Variants in HADHA observed in about 807,000 individuals in gnomAD.
HADHA encodes the protein trifunctional enzyme subunit alpha, mitochondrial.
Under a neutral mutation model 91.3 loss-of-function variants are expected in HADHA, and 59 were observed. That is an observed-to-expected ratio of 0.65 (90% CI 0.52 to 0.80). HADHA has a LOEUF of 0.80. Ranked by LOEUF, HADHA falls within the 30% of genes least tolerant of loss-of-function variation. The pLI is 0.00. For synonymous variants in HADHA, 320 were observed against 338.9 expected, an observed-to-expected ratio of 0.94 and a Z score of 0.61; for missense variants, 800 against 927.6, an observed-to-expected ratio of 0.86 and a Z score of 1.79.
intron 11 of HADHA, among the ~76,000 whole-genome samples, chr2:26,209,377 G>T (rs1334797384): frequency 6.6e-6 from 1 of 152,214 alleles, no homozygotes; most frequent in Non-Finnish European, 1.5e-5. Flanking sequence ...AGAAGGACAA[G>T]ATTTTAACAA....
intron 4 of HADHA, among the ~76,000 whole-genome samples, chr2:26,235,771 T>C (rs75389082): frequency 6.6e-6 from 1 of 152,372 alleles, no homozygotes; most frequent in Non-Finnish European, 1.5e-5. Flanking sequence ...TTTAATGGAA[T>C]TGACAACTTA....
intron 9 of HADHA, among the ~76,000 whole-genome samples, chr2:26,212,903 C>A (rs1016991868): frequency 5.9e-5 from 9 of 152,194 alleles, no homozygotes; most frequent in African/African-American, 2.2e-4. Flanking sequence ...CAAATGTAGG[C>A]AGATCCTCAA....
At chr2:26,215,241 C>T in intron 7 of HADHA, 66 bp from the exon 8 acceptor site, 1 of 1,493,058 alleles carries the variant, frequency 6.7e-7, no homozygotes, top group Non-Finnish European at 9.3e-7. Context: ...AGTGAAAAAC[C>T]CAGACTTGCC....
intron 10 of HADHA, 77 bp downstream of exon 10, chr2:26,212,493 T>C (rs774350790): frequency 9.4e-7 from 1 of 1,058,232 alleles, no homozygotes; most frequent in Admixed American, 1.7e-5. Context: ...TTTTTTCCTT[T>C]TTCAGCTTTA....
At chr2:26,223,135 C>A (rs1279553993) in intron 7 of HADHA, among the ~76,000 whole-genome samples, 1 of 152,272 alleles carries the variant, frequency 6.6e-6, no homozygotes, top group East Asian at 1.9e-4. Context: ...CCAGGAGACA[C>A]AACAATGATT....
chr2:26,201,287 T>C lies in HADHA; in HGVS notation c.1254A>G (p.Thr418=), dbSNP rs1161058517. The change falls in exon 13 of 20, where the codon ACA becomes ACG. Residue 418 remains threonine, a synonymous_variant. Coordinates refer to ENST00000380649, the MANE Select transcript of HADHA (RefSeq NM_000182.5). ...TGAAGATGGAATCCCTTTCAAATGATGTTAGAGCTTTCTTCTTCACTTTGT... is the reference window on the plus strand; with the variant it reads ...TGAAGATGGAATCCCTTTCAAATGACGTTAGAGCTTTCTTCTTCACTTTGT... ...LNDKVKKKAL[T]SFERDSIFSN... 3.1e-6 allele frequency: 5 copies of C among 1,611,734 alleles called. No homozygotes were observed. Among genetic ancestry groups the C allele is most frequent in the Non-Finnish European group, 4.2e-6 (5 of 1,177,796 alleles).
chr2:26,202,089 G>A (rs1478915830), intron 12 of HADHA, among the ~76,000 whole-genome samples: 4 of 151,812 alleles, frequency 2.6e-5, no homozygotes, highest in African/African-American at 7.3e-5. Context: ...GTGAGCCACC[G>A]CGCCCAGCCT....
chr2:26,214,930 A>T lies in HADHA; in HGVS notation c.799+123T>A. ...TGAGGAGTTGTTACATCTCCTACCT[A>T]AGGCTGACTTTATGCTTTGAGTAAA... On this transcript the variant is annotated intron_variant, in intron 8 of 19. Transcript: ENST00000380649. The surrounding 1 kb of genome is among the most constrained non-coding windows in gnomAD (Gnocchi z 4.1). The T allele has an allele frequency of 1.0e-6, 1 of 960,490 alleles. No individual in the cohort carries two copies. Among genetic ancestry groups the T allele is most frequent in the Non-Finnish European group, 1.7e-6 (1 of 594,144 alleles). The allele number at this position is 960,490 out of a possible 1,614,324, so 59.5% of individuals were successfully genotyped here. A position where few individuals can be genotyped will look rare whatever the true frequency, so the allele number is the denominator to read the frequency against.
rs767488071 is a variant in HADHA, at chr2:26,230,245, C to G, written c.623G>C (p.Arg208Pro). The change falls in exon 7 of 20, where the codon CGT (arginine) becomes CCT (proline). Residue 208 changes from arginine (R) to proline (P), a missense_variant. Arg to Pro is a moderately radical substitution (Grantham distance 103). Coordinates refer to ENST00000380649, the MANE Select transcript of HADHA (RefSeq NM_000182.5). Reference protein sequence around the residue: ...LDMMLTGRSIRADRAKKMGLV... With the variant: ...LDMMLTGRSIPADRAKKMGLV... Reference sequence around the variant, plus strand: ...TCCCATTTTCTTTGCCCTGTCTGCACGAATGCTTCTACCAGTCAGCATCAT... The same window carrying G: ...TCCCATTTTCTTTGCCCTGTCTGCAGGAATGCTTCTACCAGTCAGCATCAT... 9 of 1,613,632 alleles carry G rather than the reference C, an allele frequency of 5.6e-6. No homozygotes were observed. In the South Asian group the frequency reaches 9.9e-5, roughly 18 times the overall value.
At chr2:26,204,004 CAACT>C (rs1287601422) in intron 12 of HADHA, 54 bp downstream of exon 12, 4 of 1,576,418 alleles carry the variant, frequency 2.5e-6, no homozygotes, top group Non-Finnish European at 3.5e-6. Context: ...CCACAAAAAA[CAACT>C]AACCAAGAAA....
At chr2:26,244,162 C>T (rs968624249) in intron 1 of HADHA, among the ~76,000 whole-genome samples, 4 of 152,234 alleles carry the variant, frequency 2.6e-5, no homozygotes, top group African/African-American at 9.6e-5. Flanking sequence ...GGGCAAGGTG[C>T]TGTGGAGCCA....
At position 26,216,254 on chromosome 2, in the gene HADHA, A is replaced by C. The variant is rs188473427; in HGVS notation, c.677-1079T>G. On this transcript the variant is annotated intron_variant, in intron 7 of 19. Transcript: ENST00000380649. Reference sequence around the variant, plus strand: ...CAGTACTGTGGTACTTAGGAAACAAAATCCCAACTGAGGGAACCCATAGCA... The same window carrying C: ...CAGTACTGTGGTACTTAGGAAACAACATCCCAACTGAGGGAACCCATAGCA... 5.1e-4 allele frequency among the ~76,000 whole-genome samples: 78 copies of C among 152,160 alleles called. No homozygotes were observed. In the East Asian group the frequency reaches 8.7e-3, roughly 17 times the overall value.
intron 3 of HADHA, among the ~76,000 whole-genome samples, chr2:26,238,161 C>T (rs528076098): frequency 6.6e-6 from 1 of 152,278 alleles, no homozygotes; most frequent in African/African-American, 2.4e-5. Context: ...GTGAACATCA[C>T]CATACCCAAC....
At chr2:26,192,525 G>A (rs1054205734) in intron 17 of HADHA, 101 bp from the exon 18 acceptor site, 35 of 762,280 alleles carry the variant, frequency 4.6e-5, no homozygotes, top group South Asian at 1.8e-4. Context: ...GGTGGCTCAC[G>A]CCTGTAATCC....
Position 26,209,845 on chromosome 2 carries a change from C to T in HADHA, c.1020G>A (p.Met340Ile), listed in dbSNP as rs1157348982. 5.6e-6 allele frequency: 9 copies of T among 1,606,812 alleles called. No homozygotes were observed. The highest frequency in any genetic ancestry group is 7.7e-6 in the Non-Finnish European group (9 of 1,173,420). Residue 340 changes from methionine (M) to isoleucine (I), a missense_variant, in exon 11 of 20, where the codon ATG becomes ATA. Transcript: ENST00000380649. The stretch of plus-strand genomic sequence containing the variant: ...ACAGGACCTGACCATGGTAGAGTCC[C>T]ATCAAGGCCTTTGATTCTTTGGTCA... Reference protein sequence around the residue: ...LVMTKESKALMGLYHGQVLCK... With the variant: ...LVMTKESKALIGLYHGQVLCK...
intron 3 of HADHA, among the ~76,000 whole-genome samples, chr2:26,238,220 G>A (rs1438923777): frequency 1.3e-5 from 2 of 152,096 alleles, no homozygotes; most frequent in South Asian, 2.1e-4. Context: ...TGCCCAGGGT[G>A]GTCTCAAACT....
chr2:26,219,720 T>C (rs953917024), intron 7 of HADHA, among the ~76,000 whole-genome samples: 1 of 152,174 alleles, frequency 6.6e-6, no homozygotes, highest in African/African-American at 2.4e-5. Context: ...ATAGTTACCA[T>C]AATAAATAGT....
At chr2:26,198,911 T>G (rs78314589) in intron 13 of HADHA, among the ~76,000 whole-genome samples, 2 of 151,798 alleles carry the variant, frequency 1.3e-5, no homozygotes, top group African/African-American at 4.8e-5. Context: ...TTTTTTTTTT[T>G]GGAGACAAAG....
At chr2:26,236,446 T>C (rs1050087214) in intron 4 of HADHA, among the ~76,000 whole-genome samples, 6 of 148,788 alleles carry the variant, frequency 4.0e-5, no homozygotes, top group African/African-American at 1.5e-4. Context: ...TTTAAGACAG[T>C]CTCACTCTGT....
Sources: gnomAD v4.1 joint callset for allele counts (sites outside exome capture counted in the v4.1 genomes callset) on GRCh38, gnomAD v4.1.1 for gene constraint, Gnocchi (gnomAD v3.1) non-coding constraint, MANE v1.5 for transcripts, NCBI Gene and HGNC (gene_info 2026-07-23, HGNC 2026-07-21) for gene names.